Variants in CLASP1 observed in about 807,000 individuals in gnomAD.
CLASP1 encodes cytoplasmic linker associated protein 1, also known as CLIP-associating protein 1.
Under a neutral mutation model 192.3 loss-of-function variants are expected in CLASP1, and 38 were observed. The observed-to-expected ratio is 0.20, with a 90% CI of 0.15 to 0.26. The LOEUF (loss-of-function observed/expected upper bound fraction) is 0.26, where lower values mean the gene tolerates loss of function less well. CLASP1 is among the 10% of genes least tolerant of loss of function. CLASP1 has a pLI of 1.00. For missense variants in CLASP1, 1,433 were observed against 1,932.5 expected, an observed-to-expected ratio of 0.74 and a Z score of 4.85; for synonymous variants, 691 against 712.8, an observed-to-expected ratio of 0.97 and a Z score of 0.49.
intron 8 of CLASP1, among the ~76,000 whole-genome samples, chr2:121,478,911 ACACCACAC>A (rs2092249556): frequency 1.1e-5 from 1 of 89,862 alleles, no homozygotes; most frequent in African/African-American, 5.3e-5. Flanking sequence ...CACACCACAC[ACACCACAC>A]ACACACCACA....
intron 16 of CLASP1, 47 bp from the exon 17 acceptor site, chr2:121,449,167 G>C: frequency 1.3e-6 from 2 of 1,571,286 alleles, no homozygotes; most frequent in Non-Finnish European, 1.7e-6. Context: ...GATCCAAACA[G>C]GTCTTTTGCT....
At position 121,510,106 on chromosome 2, in the gene CLASP1, G is replaced by A. The variant is rs1444213714; in HGVS notation, c.644+5559C>T. ...CAGTACTTAGAAATTCATAGGTGTA[G>A]ATGTCTACATTAAAACAGAAGATCT... is the stretch of plus-strand genomic sequence containing the variant. On this transcript the variant is annotated intron_variant, in intron 7 of 39. Coordinates refer to ENST00000263710, the Ensembl canonical transcript of CLASP1. Among the ~76,000 whole-genome samples the A allele has an allele frequency of 2.6e-5, 4 of 152,208 alleles. No homozygotes were observed. In the South Asian group the frequency reaches 8.3e-4, roughly 31 times the overall value.
At chr2:121,486,648 A>G (rs2092996521) in intron 8 of CLASP1, among the ~76,000 whole-genome samples, 1 of 152,216 alleles carries the variant, frequency 6.6e-6, no homozygotes, top group Non-Finnish European at 1.5e-5. Flanking sequence ...CATAGGCACA[A>G]AAGTAAGTCA....
intron 2 of CLASP1, among the ~76,000 whole-genome samples, chr2:121,593,984 A>G (rs79623896): frequency 0.24 from 34,365 of 144,266 alleles, 5,903 homozygotes; most frequent in African/African-American, 0.49. Flanking sequence ...CTCCAGCCTC[A>G]GTAACAAGAG....
At chr2:121,422,646 T>C (rs1574620193) in intron 22 of CLASP1, among the ~76,000 whole-genome samples, 1 of 152,164 alleles carries the variant, frequency 6.6e-6, no homozygotes, top group African/African-American at 2.4e-5. Flanking sequence ...CAGGGATATA[T>C]TTTGCTTCTT....
chr2:121,557,837 CTT>C (rs2058715587), intron 2 of CLASP1, among the ~76,000 whole-genome samples: 2 of 151,788 alleles, frequency 1.3e-5, no homozygotes, highest in Non-Finnish European at 2.9e-5. Flanking sequence ...AATCCTAGCA[CTT>C]TGGGAGGCCA....
intron 1 of CLASP1, among the ~76,000 whole-genome samples, chr2:121,640,906 C>G (rs1559851897): frequency 6.6e-6 from 1 of 152,160 alleles, no homozygotes; most frequent in Non-Finnish European, 1.5e-5. Flanking sequence ...GGTGAGTGTT[C>G]TATCTCATGG....
intron 10 of CLASP1, 73 bp downstream of exon 10, chr2:121,462,459 G>T: frequency 1.2e-6 from 1 of 833,206 alleles, no homozygotes; most frequent in Non-Finnish European, 2.0e-6. Context: ...CATTACATAG[G>T]CAGAATTGAA....
Position 121,620,089 on chromosome 2 carries a change from G to A in CLASP1, c.-285-13909C>T, listed in dbSNP as rs1233443483. Among the ~76,000 whole-genome samples, 9 of 151,798 alleles carry A rather than the reference G, an allele frequency of 5.9e-5. No individual in the cohort carries two copies. The East Asian group carries it at 1.8e-3, about 30-fold the overall frequency. The stretch of plus-strand genomic sequence containing the variant: ...ATATGAAAAGTAGCCGGGAGTGGTG[G>A]CGCATGCCTGTAATCCCAGCTACTG... On this transcript the variant is annotated intron_variant, in intron 1 of 39. Coordinates refer to ENST00000263710, the Ensembl canonical transcript of CLASP1.
chr2:121,353,307 T>C (rs1212002787), intron 37 of CLASP1, among the ~76,000 whole-genome samples: 1 of 151,866 alleles, frequency 6.6e-6, no homozygotes, highest in African/African-American at 2.4e-5. Context: ...GGGCAGAGCT[T>C]TGTGACCCCG....
chr2:121,530,151 C>A, intron 3 of CLASP1, 96 bp downstream of exon 3: 1 of 1,002,528 alleles, frequency 1.0e-6, no homozygotes, highest in Non-Finnish European at 1.5e-6. Flanking sequence ...GGAGGGGAGG[C>A]AGGGTGGCTG....
intron 19 of CLASP1, among the ~76,000 whole-genome samples, chr2:121,433,223 G>A (rs558449482): frequency 6.6e-6 from 1 of 151,994 alleles, no homozygotes; most frequent in African/African-American, 2.4e-5. Flanking sequence ...TTGGAAGGCT[G>A]AGGCAGGAGA....
At chr2:121,490,381 A>G (rs1575416372) in intron 8 of CLASP1, 3 of 422,640 alleles carry the variant, frequency 7.1e-6, no homozygotes, top group African/African-American at 2.1e-5. Flanking sequence ...CTCCACCCAC[A>G]CTTGTTCAGT....
chr2:121,537,315 C>A (rs1332992541), intron 2 of CLASP1, among the ~76,000 whole-genome samples: 1 of 151,714 alleles, frequency 6.6e-6, no homozygotes, highest in African/African-American at 2.4e-5. Flanking sequence ...TCGCTCGAGC[C>A]CAGGAGGTTG....
chr2:121,409,374 C>G (rs749802975), intron 24 of CLASP1, among the ~76,000 whole-genome samples: 1 of 152,094 alleles, frequency 6.6e-6, no homozygotes, highest in Non-Finnish European at 1.5e-5. Context: ...TGTCTGGCGC[C>G]GTGGTGTCTA....
chr2:121,449,031 G>A (rs1178383013), exon 17 of CLASP1: 1 of 1,613,962 alleles, frequency 6.2e-7, no homozygotes, highest in Admixed American at 1.7e-5. Context: ...CTTCAGGTGG[G>A]ACTGCAGGGC....
chr2:121,639,230 T>C lies in CLASP1; in HGVS notation c.-286+10142A>G, dbSNP rs181338623. Among the ~76,000 whole-genome samples the C allele has an allele frequency of 6.6e-3, 1,004 of 152,050 alleles. 17 individuals are homozygous for C. Among genetic ancestry groups the C allele is most frequent in the African/African-American group, 0.023 (957 of 41,498 alleles). On this transcript the variant is annotated intron_variant, in intron 1 of 39. Transcript: ENST00000263710. ...AGGCAGAGCTTGCAGTGAGCCAAGA[T>C]TGCGACACTGCACTCCAGCCTGGGC...
intron 1 of CLASP1, among the ~76,000 whole-genome samples, chr2:121,608,683 T>A (rs966472260): frequency 6.6e-6 from 1 of 152,204 alleles, no homozygotes; most frequent in African/African-American, 2.4e-5. Context: ...CACAGAATTA[T>A]GAGAAATAAC....
chr2:121,583,033 G>A (rs1000789698), intron 2 of CLASP1, among the ~76,000 whole-genome samples: 14 of 152,014 alleles, frequency 9.2e-5, no homozygotes, highest in Non-Finnish European at 1.9e-4. Context: ...TGATCCACCC[G>A]CCTCAGCCTC....
Sources: gnomAD v4.1 joint callset for allele counts (sites outside exome capture counted in the v4.1 genomes callset) on GRCh38, gnomAD v4.1.1 for gene constraint, MANE v1.5 for transcripts, NCBI Gene and HGNC (gene_info 2026-07-23, HGNC 2026-07-21) for gene names.